Variants in C2orf42 observed in about 807,000 individuals in gnomAD.
C2orf42 encodes the protein chromosome 2 open reading frame 42.
A neutral mutation model predicts 58.9 loss-of-function variants in C2orf42; 44 were observed. The observed-to-expected ratio is 0.75, with a 90% CI of 0.59 to 0.96. The LOEUF (loss-of-function observed/expected upper bound fraction) is 0.96. C2orf42 is among the 40% of genes least tolerant of loss of function. The pLI is 0.00. For synonymous variants in C2orf42, 239 were observed against 265.4 expected, an observed-to-expected ratio of 0.90 and a Z score of 0.97; for missense variants, 630 against 699.2, an observed-to-expected ratio of 0.90 and a Z score of 1.12.
chr2:70,156,175 A>G (rs1421919468), intron 9 of C2orf42, among the ~76,000 whole-genome samples: 2 of 152,200 alleles, frequency 1.3e-5, no homozygotes, highest in Admixed American at 6.6e-5. Context: ...AGAATATGGT[A>G]TCACCTTCAA....
intron 5 of C2orf42, among the ~76,000 whole-genome samples, chr2:70,174,923 C>T (rs1454061831): frequency 1.3e-5 from 2 of 152,030 alleles, no homozygotes; most frequent in African/African-American, 4.8e-5. Flanking sequence ...CTGCCTGCCT[C>T]AGTCTCCCAA....
At chr2:70,183,471 C>T (rs1404487378) in intron 1 of C2orf42, among the ~76,000 whole-genome samples, 2 of 151,606 alleles carry the variant, frequency 1.3e-5, no homozygotes, top group East Asian at 3.9e-4. Context: ...CTCTGCTCAC[C>T]CAGGCTGGAG....
chr2:70,169,547 C>A lies in C2orf42; in HGVS notation c.1144+10G>T. 2.9e-6 allele frequency: 4 copies of A among 1,395,028 alleles called. No homozygotes were observed. Among genetic ancestry groups the A allele is most frequent in the Non-Finnish European group, 4.1e-6 (4 of 981,236 alleles). 86.4% of individuals were successfully genotyped at this position (1,395,028 alleles called of 1,614,324 possible). Reference sequence around the variant, plus strand: ...TTCAGCAAGAGCCCAGTTAGATGAACAATACTTACCATCAAACTGATAGTG... The same window carrying A: ...TTCAGCAAGAGCCCAGTTAGATGAAAAATACTTACCATCAAACTGATAGTG... On this transcript the variant is annotated intron_variant, in intron 6 of 9. Transcript: ENST00000264434.
At chr2:70,171,614 G>A (rs548577027) in intron 5 of C2orf42, among the ~76,000 whole-genome samples, 2 of 152,056 alleles carry the variant, frequency 1.3e-5, no homozygotes, top group Admixed American at 6.6e-5. Flanking sequence ...GGGTTCAGGC[G>A]ATTCTCCTGC....
At chr2:70,165,454 C>T in intron 7 of C2orf42, 74 bp downstream of exon 7, 1 of 881,322 alleles carries the variant, frequency 1.1e-6, no homozygotes, top group East Asian at 2.4e-5. Flanking sequence ...GGTGAATATT[C>T]CACACAGATT....
At chr2:70,156,116 T>C (rs1208502102) in intron 9 of C2orf42, among the ~76,000 whole-genome samples, 3 of 151,550 alleles carry the variant, frequency 2.0e-5, no homozygotes. Context: ...GATTGCCCCA[T>C]TGCACTCCAG....
chr2:70,159,696 G>T (rs1050245998), intron 9 of C2orf42, among the ~76,000 whole-genome samples: 7 of 152,038 alleles, frequency 4.6e-5, no homozygotes, highest in African/African-American at 1.7e-4. Context: ...ACTTAGAAGA[G>T]ATTTTAATTT....
Position 70,160,694 on chromosome 2 carries a change from C to A in C2orf42, c.1447G>T (p.Glu483Ter), listed in dbSNP as rs1673001830. Residue 483 changes from glutamate (E) to a stop codon, truncating the protein, a stop_gained, in exon 9 of 10, where the codon GAA (glutamate) becomes TAA (stop). Transcript: ENST00000264434. LOFTEE classifies it high-confidence loss of function. ...TGTTTTTCTATACGACCGTAGGTTT[C>A]TGCTATGCTTTCTACTTCCACTTTA... ...CPKVEVESIA[E>*]TYGRIEKQPV... is the part of the protein sequence containing the mutation. 6.2e-7 allele frequency: 1 copy of A among 1,613,342 alleles called. No individual in the cohort carries two copies. The highest frequency in any genetic ancestry group is 8.5e-7 in the Non-Finnish European group (1 of 1,179,634).
intron 5 of C2orf42, among the ~76,000 whole-genome samples, chr2:70,172,914 G>A (rs1463040890): frequency 1.3e-5 from 2 of 152,102 alleles, no homozygotes; most frequent in Admixed American, 1.3e-4. Flanking sequence ...TATAATCCCA[G>A]CACTTTGGGA....
chr2:70,181,717 A>C lies in C2orf42; in HGVS notation c.269T>G (p.Val90Gly). Residue 90 changes from valine (V) to glycine (G), a missense_variant, in exon 3 of 10, where the codon GTG (valine) becomes GGG (glycine). By Grantham distance (109) the Val-to-Gly change is moderately radical. Coordinates refer to ENST00000264434, the MANE Select transcript of C2orf42 (RefSeq NM_017880.3). ...RDRGPDYRCF[V>G]ELGVSETTIQ... ...TGTTGTCTCTGAAACCCCGAGCTCC[A>C]CAAAGCATCGGTAATCAGGGCCCCG... 6.2e-7 allele frequency: 1 copy of C among 1,614,198 alleles called. No individual in the cohort carries two copies. Among genetic ancestry groups the C allele is most frequent in the Non-Finnish European group, 8.5e-7 (1 of 1,180,042 alleles).
intron 5 of C2orf42, 118 bp downstream of exon 5, chr2:70,175,555 C>T: frequency 1.4e-6 from 1 of 736,842 alleles, no homozygotes; most frequent in South Asian, 1.5e-5. Context: ...AGCCTCAGTG[C>T]TTCTGTTAGT....
Position 70,150,037 on chromosome 2 carries a change from A to C in C2orf42, c.*319T>G, listed in dbSNP as rs1672208856. ...GCTGAGTGCTGCAGATTTCTCAGAG[A>C]ATTAGCAAAAGGTTGAAATAAACGC... is the stretch of plus-strand genomic sequence containing the variant. On this transcript the variant is annotated 3_prime_UTR_variant, in exon 10 of 10. Transcript: ENST00000264434. 2.8e-6 allele frequency: 1 copy of C among 360,578 alleles called. No homozygotes were observed. Among genetic ancestry groups the C allele is most frequent in the Non-Finnish European group, 5.2e-6 (1 of 191,136 alleles). 22.3% of individuals were successfully genotyped at this position (360,578 alleles called of 1,614,324 possible).
intron 1 of C2orf42, among the ~76,000 whole-genome samples, chr2:70,183,574 C>A (rs2103648511): frequency 6.6e-6 from 1 of 150,748 alleles, no homozygotes; most frequent in African/African-American, 2.4e-5. Flanking sequence ...GGACTACGGG[C>A]ACATGCCACC....
At chr2:70,189,430 A>AAAAT (rs1398504870) in intron 1 of C2orf42, among the ~76,000 whole-genome samples, 2 of 140,306 alleles carry the variant, frequency 1.4e-5, no homozygotes, top group Non-Finnish European at 3.0e-5. Context: ...AAAAAAAAAA[A>AAAAT]AAATGGGCCG....
In C2orf42 at chr2:70,156,199, A is replaced by G. The variant is rs533384510; in HGVS notation, c.1516+4426T>C. Among the ~76,000 whole-genome samples the G allele has an allele frequency of 2.6e-4, 40 of 152,330 alleles. 1 individual carries two copies. The highest frequency in any genetic ancestry group is 6.8e-3 in the Middle Eastern group (2 of 294). On this transcript the variant is annotated intron_variant, in intron 9 of 9. Coordinates refer to ENST00000264434, the MANE Select transcript of C2orf42 (RefSeq NM_017880.3). ...TATCACCTTCAAAAACTATGAAGACAAGACAGAGAACGTAGTCCATTTAGC... is the reference window on the plus strand; with the variant it reads ...TATCACCTTCAAAAACTATGAAGACGAGACAGAGAACGTAGTCCATTTAGC...
chr2:70,153,937 C>T (rs889400505), intron 9 of C2orf42, among the ~76,000 whole-genome samples: 4 of 151,250 alleles, frequency 2.6e-5, no homozygotes, highest in African/African-American at 9.7e-5. Flanking sequence ...GGGCTAATCC[C>T]AGCTACTCGG....
intron 4 of C2orf42, 130 bp downstream of exon 4, chr2:70,179,402 T>A (rs1674401451): frequency 5.9e-6 from 2 of 337,190 alleles, no homozygotes; most frequent in Non-Finnish European, 1.1e-5. Flanking sequence ...GACCCCTGTC[T>A]CTTTATTTTA....
At chr2:70,176,951 C>T (rs1294002197) in intron 4 of C2orf42, among the ~76,000 whole-genome samples, 1 of 152,004 alleles carries the variant, frequency 6.6e-6, no homozygotes, top group Non-Finnish European at 1.5e-5. Flanking sequence ...TTTTCCTATA[C>T]CAATAATTAT....
At chr2:70,159,357 G>A (rs1672910021) in intron 9 of C2orf42, among the ~76,000 whole-genome samples, 1 of 151,830 alleles carries the variant, frequency 6.6e-6, no homozygotes, top group African/African-American at 2.4e-5. Flanking sequence ...GGGGGCCGAG[G>A]TGGGCAGATT....
Sources: allele counts gnomAD v4.1 joint callset (sites outside exome capture counted in the v4.1 genomes callset), GRCh38; gene constraint gnomAD v4.1.1; transcripts MANE v1.5; gene names NCBI Gene and HGNC (gene_info 2026-07-23, HGNC 2026-07-21).